The following RHBDD1 variants were observed in gnomAD, a reference collection of about 807,000 sequenced individuals.
RHBDD1 encodes the protein rhomboid domain containing 1.
In RHBDD1, 38 loss-of-function variants were observed where a neutral mutation model predicts 36.3. That is an observed-to-expected ratio of 1.05 (90% CI 0.81 to 1.37). The LOEUF is 1.37. Ranked by LOEUF, RHBDD1 falls within the 40% of genes most tolerant of loss-of-function variation. The pLI is 0.00. For missense variants in RHBDD1, 393 were observed against 377.6 expected, an observed-to-expected ratio of 1.04 and a Z score of -0.34; for synonymous variants, 151 against 136.5, an observed-to-expected ratio of 1.11 and a Z score of -0.74.
chr2:226,812,638 T>G, the RHBDD1 span, among the ~76,000 whole-genome samples: 1 of 150,128 alleles, frequency 6.7e-6, no homozygotes, highest in Non-Finnish European at 1.5e-5. Context: ...AGATGTTCTC[T>G]CTCTCTCTCT....
At chr2:226,848,564 T>G (rs1177380455) in intron 3 of RHBDD1, among the ~76,000 whole-genome samples, 2 of 152,168 alleles carry the variant, frequency 1.3e-5, no homozygotes, top group African/African-American at 4.8e-5. Context: ...CTCAGATAAT[T>G]GAGGTCACAA....
At chr2:226,849,491 C>G (rs966550199) in intron 3 of RHBDD1, among the ~76,000 whole-genome samples, 10 of 152,202 alleles carry the variant, frequency 6.6e-5, no homozygotes, top group African/African-American at 2.2e-4. Context: ...GTGTCTCAGG[C>G]TAAGGTGTGA....
chr2:226,859,754 TG>T (rs1179907549), intron 3 of RHBDD1, among the ~76,000 whole-genome samples: 3 of 152,154 alleles, frequency 2.0e-5, no homozygotes, highest in Non-Finnish European at 4.4e-5. Flanking sequence ...GGCAGGGAAC[TG>T]GTGATATAAG....
chr2:226,908,886 C>T lies in RHBDD1; in HGVS notation c.712+8C>T. The T allele has an allele frequency of 1.3e-6, 2 of 1,555,768 alleles. No homozygotes were observed. Among genetic ancestry groups the T allele is most frequent in the Non-Finnish European group, 1.8e-6 (2 of 1,128,726 alleles). ...ACTACTTTAATAGTTCAGGTAGGCA[C>T]TGTATTTCATTTAATAAATTTTAAC... is the stretch of plus-strand genomic sequence containing the variant. On this transcript the variant is annotated splice_region_variant and intron_variant, in intron 7 of 8. Coordinates refer to ENST00000392062, the MANE Select transcript of RHBDD1 (RefSeq NM_001167608.3).
At position 226,998,250 on chromosome 2, in the gene RHBDD1, T is replaced by C. The variant is rs1959974638; in HGVS notation, c.*2728T>C. On this transcript the variant is annotated 3_prime_UTR_variant, in exon 9 of 9. Coordinates refer to ENST00000392062, the MANE Select transcript of RHBDD1 (RefSeq NM_001167608.3). Reference sequence around the variant, plus strand: ...AAAGTTGTACATAATTGTTCAGACCTCCTCCATCCTTTTAAATTGCCTGCT... The same window carrying C: ...AAAGTTGTACATAATTGTTCAGACCCCCTCCATCCTTTTAAATTGCCTGCT... 1 of 152,198 alleles carries C rather than the reference T, an allele frequency of 6.6e-6. No individual in the cohort carries two copies. The highest frequency in any genetic ancestry group is 2.4e-5 in the African/African-American group (1 of 41,438). The allele number at this position is 152,198 out of a possible 1,614,324, so 9.4% of individuals were successfully genotyped here.
chr2:226,831,793 A>C (rs995769363), upstream of RHBDD1, among the ~76,000 whole-genome samples: 1 of 151,978 alleles, frequency 6.6e-6, no homozygotes, highest in African/African-American at 2.4e-5. Flanking sequence ...TCTGTCTAGG[A>C]ATTTGTCCAA....
At chr2:226,988,327 T>G in intron 8 of RHBDD1, 1 of 1,548,684 alleles carries the variant, frequency 6.5e-7, no homozygotes, top group Non-Finnish European at 8.7e-7. Context: ...CCTGAACATC[T>G]GCAGGAAAAC....
chr2:226,928,280 A>C (rs1949796511), intron 8 of RHBDD1, among the ~76,000 whole-genome samples: 1 of 152,116 alleles, frequency 6.6e-6, no homozygotes. Flanking sequence ...AAATGTAAAA[A>C]ACTTGAAGTC....
chr2:226,889,035 C>A (rs1946471150), intron 5 of RHBDD1, among the ~76,000 whole-genome samples: 1 of 152,146 alleles, frequency 6.6e-6, no homozygotes, highest in African/African-American at 2.4e-5. Context: ...AAAGATTTGC[C>A]CCAAGAAACT....
intron 5 of RHBDD1, among the ~76,000 whole-genome samples, chr2:226,881,808 T>G (rs954776478): frequency 1.3e-4 from 20 of 152,248 alleles, no homozygotes; most frequent in African/African-American, 4.6e-4. Context: ...TGCTGTTGCT[T>G]ACCGTTCTTT....
intron 5 of RHBDD1, among the ~76,000 whole-genome samples, chr2:226,879,464 T>C (rs570363101): frequency 1.3e-5 from 2 of 152,202 alleles, no homozygotes; most frequent in South Asian, 2.1e-4. Context: ...GATAGTTGTC[T>C]GTATATGGAA....
chr2:226,823,970 G>A, the RHBDD1 span, among the ~76,000 whole-genome samples: 1 of 152,108 alleles, frequency 6.6e-6, no homozygotes, highest in African/African-American at 2.4e-5. Context: ...ACCCCAGTAG[G>A]CCCCACCTCC....
At chr2:226,894,049 G>T (rs974901436) in intron 5 of RHBDD1, among the ~76,000 whole-genome samples, 1 of 152,116 alleles carries the variant, frequency 6.6e-6, no homozygotes, top group Non-Finnish European at 1.5e-5. Context: ...AGGGAAAGTT[G>T]TACTTTGCTT....
chr2:226,924,588 C>T (rs1486702635), intron 8 of RHBDD1, among the ~76,000 whole-genome samples: 2 of 152,140 alleles, frequency 1.3e-5, no homozygotes, highest in East Asian at 3.9e-4. Context: ...CAGAGCTTAC[C>T]CAAGAATTGC....
At chr2:226,810,807 T>A in the RHBDD1 span, 19 of 152,112 alleles carry the variant, frequency 1.2e-4, no homozygotes, top group African/African-American at 4.6e-4. Flanking sequence ...CTTAAACACA[T>A]CCCTGGGGGT....
the RHBDD1 span, among the ~76,000 whole-genome samples, chr2:226,816,390 A>G: frequency 5.8e-4 from 86 of 149,508 alleles, no homozygotes; most frequent in Non-Finnish European, 8.6e-4. Flanking sequence ...AAAAAAAAAA[A>G]AAAAAAGAAA....
intron 8 of RHBDD1, among the ~76,000 whole-genome samples, chr2:226,959,363 C>A (rs1199902152): frequency 2.6e-5 from 4 of 152,156 alleles, no homozygotes; most frequent in African/African-American, 9.7e-5. Flanking sequence ...AGATAATTAA[C>A]ATAGCCATCA....
chr2:226,934,492 T>G (rs911813000), intron 8 of RHBDD1, among the ~76,000 whole-genome samples: 17 of 152,110 alleles, frequency 1.1e-4, no homozygotes, highest in African/African-American at 3.4e-4. Context: ...GCTAGCAACT[T>G]TTAACCTCAG....
intron 7 of RHBDD1, among the ~76,000 whole-genome samples, chr2:226,909,509 C>A (rs909017400): frequency 6.6e-6 from 1 of 152,166 alleles, no homozygotes; most frequent in African/African-American, 2.4e-5. Context: ...TGTCTTAATG[C>A]AGTGAACTGA....
Sources: gnomAD v4.1 joint callset for allele counts (sites outside exome capture counted in the v4.1 genomes callset) on GRCh38, gnomAD v4.1.1 for gene constraint, MANE v1.5 for transcripts, NCBI Gene and HGNC (gene_info 2026-07-23, HGNC 2026-07-21) for gene names.